ROBO1: variants seen among roughly 807,000 people sequenced by gnomAD.
ROBO1 encodes the protein roundabout guidance receptor 1, also known as roundabout homolog 1.
ROBO1 carries 149 observed loss-of-function variants against 195.9 expected under a neutral mutation model. The observed-to-expected ratio is 0.76, with a 90% confidence interval of 0.67 to 0.87. ROBO1 has a LOEUF of 0.87. Ranked by LOEUF, ROBO1 falls within the 40% of genes least tolerant of loss-of-function variation. The probability of loss-of-function intolerance (pLI) is 0.00; values close to 1 mark genes in which losing one functional copy is unlikely to be tolerated. For synonymous variants in ROBO1, 816 were observed against 733.2 expected, an observed-to-expected ratio of 1.11 and a Z score of -1.82; for missense variants, 1,933 against 2,068.3, an observed-to-expected ratio of 0.93 and a Z score of 1.27.
Position 78,936,427 on chromosome 3 carries a change from C to T in ROBO1, c.499+2174G>A, listed in dbSNP as rs115520291. Among the ~76,000 whole-genome samples the T allele has an allele frequency of 6.8e-3, 1,034 of 152,064 alleles. 14 individuals are homozygous for T. The highest frequency in any genetic ancestry group is 0.024 in the African/African-American group (985 of 41,524). Reference sequence around the variant, plus strand: ...TAATATCATAACTTGATAGTAATATCGTAACTTTTGAAATATGACTTTATC... The same window carrying T: ...TAATATCATAACTTGATAGTAATATTGTAACTTTTGAAATATGACTTTATC... On this transcript the variant is annotated intron_variant, in intron 4 of 30. Transcript: ENST00000464233.
chr3:78,948,861 C>T (rs1027326996), intron 3 of ROBO1, among the ~76,000 whole-genome samples: 3 of 152,112 alleles, frequency 2.0e-5, no homozygotes, highest in African/African-American at 7.2e-5. Context: ...TTCTTATACG[C>T]CAATAACAGA....
chr3:79,756,314 G>T (rs1194046456), intron 1 of ROBO1, among the ~76,000 whole-genome samples: 1 of 152,106 alleles, frequency 6.6e-6, no homozygotes, highest in Non-Finnish European at 1.5e-5. Context: ...CACTTTGGGA[G>T]GCCAAGGCGG....
At chr3:78,995,773 A>G (rs1285014155) in intron 3 of ROBO1, among the ~76,000 whole-genome samples, 1 of 151,642 alleles carries the variant, frequency 6.6e-6, no homozygotes, top group Non-Finnish European at 1.5e-5. Flanking sequence ...CTCCAAAAAA[A>G]AAAAAAGAAA....
chr3:78,754,521 C>T (rs190042103), intron 4 of ROBO1, among the ~76,000 whole-genome samples: 1 of 152,310 alleles, frequency 6.6e-6, no homozygotes, highest in Non-Finnish European at 1.5e-5. Context: ...TGAAGGTCAG[C>T]TCCATGAGAA....
chr3:78,907,959 A>C (rs329814), intron 4 of ROBO1, among the ~76,000 whole-genome samples: 55,880 of 151,764 alleles, frequency 0.37, 10,923 homozygotes, highest in African/African-American at 0.5. Context: ...AATGGAAAGA[A>C]GCTGTATGCC....
intron 4 of ROBO1, among the ~76,000 whole-genome samples, chr3:78,810,390 T>C (rs531131991): frequency 6.6e-6 from 1 of 152,186 alleles, no homozygotes; most frequent in South Asian, 2.1e-4. Context: ...GCTGTATGCA[T>C]GGGAAAGTGA....
intron 5 of ROBO1, among the ~76,000 whole-genome samples, chr3:78,718,539 T>A (rs745403823): frequency 6.6e-6 from 1 of 152,028 alleles, no homozygotes; most frequent in Non-Finnish European, 1.5e-5. Context: ...CTTGAACATA[T>A]AATTAATTGA....
At chr3:79,319,793 C>A (rs2033896187) in intron 2 of ROBO1, among the ~76,000 whole-genome samples, 1 of 151,966 alleles carries the variant, frequency 6.6e-6, no homozygotes, top group Non-Finnish European at 1.5e-5. Flanking sequence ...AAATGCCTAC[C>A]ATAACATATA....
intron 19 of ROBO1, 116 bp from the exon 20 acceptor site, chr3:78,647,771 G>T: frequency 1.1e-6 from 1 of 887,946 alleles, no homozygotes; most frequent in Non-Finnish European, 1.9e-6. Flanking sequence ...AAATAACTAA[G>T]CCAGTAGTTC....
In ROBO1 at chr3:78,757,426, C is replaced by T. The variant is rs905010187; in HGVS notation, c.500-10526G>A. Among the ~76,000 whole-genome samples the T allele has an allele frequency of 4.9e-4, 36 of 73,494 alleles. 1 individual carries two copies. Among genetic ancestry groups the T allele is most frequent in the Admixed American group, 2.5e-3 (12 of 4,854 alleles). 48.2% of individuals were successfully genotyped at this position (73,494 alleles called of 152,430 possible). On this transcript the variant is annotated intron_variant, in intron 4 of 30. Transcript: ENST00000464233. ...ATATTTTCTGGGAAACAAAGGCATG[C>T]GCACATGCACACACACACACACACA...
chr3:79,490,131 C>T (rs2107443245), intron 2 of ROBO1, among the ~76,000 whole-genome samples: 1 of 152,240 alleles, frequency 6.6e-6, no homozygotes, highest in African/African-American at 2.4e-5. Flanking sequence ...TGGATGCTTT[C>T]CTATAATTTC....
At chr3:78,747,981 T>C (rs1273708149) in intron 4 of ROBO1, among the ~76,000 whole-genome samples, 1 of 152,174 alleles carries the variant, frequency 6.6e-6, no homozygotes. Flanking sequence ...AACATATATA[T>C]ACTTCAGTAC....
chr3:79,295,831 C>T (rs543402448), intron 2 of ROBO1, among the ~76,000 whole-genome samples: 5 of 152,112 alleles, frequency 3.3e-5, no homozygotes, highest in South Asian at 2.1e-4. Context: ...TTAATGAAAG[C>T]GGAATCATTT....
intron 4 of ROBO1, among the ~76,000 whole-genome samples, chr3:78,862,062 G>A (rs935534844): frequency 6.6e-6 from 1 of 152,104 alleles, no homozygotes; most frequent in Non-Finnish European, 1.5e-5. Flanking sequence ...TAAGGTTACC[G>A]AACTTAAGAT....
chr3:78,632,006 T>C (rs570094871), intron 24 of ROBO1, among the ~76,000 whole-genome samples: 53 of 152,304 alleles, frequency 3.5e-4, no homozygotes, highest in African/African-American at 1.3e-3. Context: ...ATCTGGCATA[T>C]TTTTTAAACA....
At chr3:79,715,085 G>T (rs1197193454) in intron 1 of ROBO1, among the ~76,000 whole-genome samples, 1 of 152,030 alleles carries the variant, frequency 6.6e-6, no homozygotes, top group African/African-American at 2.4e-5. Flanking sequence ...ATGAGAAATT[G>T]CTTTTTATGA....
intron 28 of ROBO1, among the ~76,000 whole-genome samples, chr3:78,608,193 C>T (rs556542403): frequency 6.6e-6 from 1 of 152,124 alleles, no homozygotes; most frequent in Non-Finnish European, 1.5e-5. Flanking sequence ...CAGCTCACTG[C>T]AGCCTCTGTC....
At chr3:79,475,158 A>T (rs1026427849) in intron 2 of ROBO1, among the ~76,000 whole-genome samples, 1 of 151,928 alleles carries the variant, frequency 6.6e-6, no homozygotes, top group Non-Finnish European at 1.5e-5. Context: ...TTTAAAAAAA[A>T]ATCTTTATTC....
At chr3:78,916,044 A>G (rs972976832) in intron 4 of ROBO1, among the ~76,000 whole-genome samples, 90 of 151,650 alleles carry the variant, frequency 5.9e-4, no homozygotes, top group Non-Finnish European at 9.9e-4. Flanking sequence ...GAGGTCAGGA[A>G]ATCGAGACCA....
Sources: gnomAD v4.1 joint callset for allele counts (sites outside exome capture counted in the v4.1 genomes callset) on GRCh38, gnomAD v4.1.1 for gene constraint, MANE v1.5 for transcripts, NCBI Gene and HGNC (gene_info 2026-07-23, HGNC 2026-07-21) for gene names.